SPOCK1: variants seen among roughly 807,000 people sequenced by gnomAD.
SPOCK1 encodes testican-1.
SPOCK1 carries 23 observed loss-of-function variants against 55.3 expected under a neutral mutation model. The observed-to-expected ratio is 0.42, with a 90% CI of 0.30 to 0.59. The LOEUF (loss-of-function observed/expected upper bound fraction) is 0.59, where lower values mean the gene tolerates loss of function less well. Ranked by LOEUF, SPOCK1 falls within the 20% of genes least tolerant of loss-of-function variation. The pLI is 0.22. For synonymous variants in SPOCK1, 226 were observed against 221.0 expected, an observed-to-expected ratio of 1.02 and a Z score of -0.20; for missense variants, 499 against 552.5, an observed-to-expected ratio of 0.90 and a Z score of 0.97.
chr5:137,131,555 C>A (rs1204802219), intron 4 of SPOCK1, among the ~76,000 whole-genome samples: 1 of 151,774 alleles, frequency 6.6e-6, no homozygotes, highest in East Asian at 2.0e-4. Context: ...TTGCAGTGAG[C>A]AGAGATCATG....
intron 3 of SPOCK1, among the ~76,000 whole-genome samples, chr5:137,237,669 T>C (rs1668076997): frequency 6.6e-6 from 1 of 152,214 alleles, no homozygotes; most frequent in Non-Finnish European, 1.5e-5. Context: ...AGTCAACGTG[T>C]TAATAACTCC....
intron 2 of SPOCK1, among the ~76,000 whole-genome samples, chr5:137,344,628 G>A (rs976345325): frequency 3.4e-4 from 51 of 152,168 alleles, no homozygotes; most frequent in African/African-American, 1.2e-3. Context: ...TACTGTGCAG[G>A]ACAACTGCCT....
At chr5:136,980,621 G>A (rs188991784) in intron 9 of SPOCK1, among the ~76,000 whole-genome samples, 37 of 152,228 alleles carry the variant, frequency 2.4e-4, no homozygotes, top group Admixed American at 1.3e-3. Flanking sequence ...CTTGCCTTCC[G>A]CCATGATTGT....
intron 3 of SPOCK1, among the ~76,000 whole-genome samples, chr5:137,261,219 T>A (rs1356525342): frequency 6.6e-6 from 1 of 152,208 alleles, no homozygotes; most frequent in East Asian, 1.9e-4. Context: ...GACTTAAGAT[T>A]TCTATTAAGC....
chr5:137,222,846 G>A (rs76623024), intron 3 of SPOCK1, among the ~76,000 whole-genome samples: 2,486 of 152,300 alleles, frequency 0.016, 33 homozygotes, highest in Admixed American at 0.025. Flanking sequence ...GTTTTTGAGG[G>A]ATGAAAACAA....
At chr5:137,166,606 TACA>T (rs1272585657) in intron 3 of SPOCK1, among the ~76,000 whole-genome samples, 1 of 152,032 alleles carries the variant, frequency 6.6e-6, no homozygotes. Context: ...AAATAATAAC[TACA>T]ACAACTTTTC....
At chr5:137,465,431 G>C (rs1366060051) in intron 2 of SPOCK1, among the ~76,000 whole-genome samples, 5 of 152,000 alleles carry the variant, frequency 3.3e-5, no homozygotes, top group African/African-American at 1.2e-4. Context: ...ACAACATTAA[G>C]ACTAATATAT....
chr5:137,248,819 T>C (rs1379857989), intron 3 of SPOCK1, among the ~76,000 whole-genome samples: 3 of 152,218 alleles, frequency 2.0e-5, no homozygotes, highest in African/African-American at 7.2e-5. Flanking sequence ...TATTAACAAT[T>C]CTCCCTTAGG....
At chr5:137,131,070 GC>G (rs1753867067) in intron 4 of SPOCK1, among the ~76,000 whole-genome samples, 1 of 152,122 alleles carries the variant, frequency 6.6e-6, no homozygotes. Flanking sequence ...CAAGGCCAGC[GC>G]CCCCGATGGG....
Position 136,977,424 on chromosome 5 carries a change from TA to T in SPOCK1, c.*1229del, listed in dbSNP as rs879842948. 942 of 160,714 alleles carry T rather than the reference TA, an allele frequency of 5.9e-3. No homozygotes were observed. Among genetic ancestry groups the T allele is most frequent in the Middle Eastern group, 0.018 (7 of 380 alleles). 10.0% of individuals were successfully genotyped at this position (160,714 alleles called of 1,614,324 possible). A position where few individuals can be genotyped will look rare whatever the true frequency, so the allele number is the denominator to read the frequency against. ...AGGCCTCCATTTGGGATTGAGTGGT[TA>T]AAAAAAAAAATCTGTACAGCTTTTG... is the stretch of plus-strand genomic sequence containing the variant. On this transcript the variant is annotated 3_prime_UTR_variant, in exon 11 of 11. Transcript: ENST00000394945.
intron 2 of SPOCK1, among the ~76,000 whole-genome samples, chr5:137,323,928 A>T (rs1257606715): frequency 6.7e-6 from 1 of 148,488 alleles, no homozygotes; most frequent in East Asian, 2.1e-4. Context: ...GTCCTCAAAA[A>T]ATTAAAAAGA....
intron 3 of SPOCK1, among the ~76,000 whole-genome samples, chr5:137,153,158 A>C (rs1241617556): frequency 6.6e-6 from 1 of 152,196 alleles, no homozygotes; most frequent in Non-Finnish European, 1.5e-5. Flanking sequence ...GCCAGGGGCC[A>C]AGTTTTGCTC....
At chr5:137,140,504 T>C in intron 4 of SPOCK1, 76 bp downstream of exon 4, 1 of 1,279,520 alleles carries the variant, frequency 7.8e-7, no homozygotes. Context: ...TATCCCCACG[T>C]CAAAGACTGG....
chr5:137,063,239 CAAAA>C (rs34720226), intron 6 of SPOCK1, among the ~76,000 whole-genome samples: 8 of 100,268 alleles, frequency 8.0e-5, no homozygotes, highest in Admixed American at 1.0e-4. Flanking sequence ...GACTCCATCT[CAAAA>C]AAAAAAAAAA....
chr5:137,060,977 T>C (rs1752385304), intron 6 of SPOCK1, among the ~76,000 whole-genome samples: 1 of 152,194 alleles, frequency 6.6e-6, no homozygotes, highest in Non-Finnish European at 1.5e-5. Flanking sequence ...TTCTCAAGCA[T>C]TTTTTTAAGG....
intron 2 of SPOCK1, among the ~76,000 whole-genome samples, chr5:137,319,721 G>A (rs1317768388): frequency 1.3e-5 from 2 of 151,974 alleles, no homozygotes; most frequent in East Asian, 3.9e-4. Context: ...CGAGGCGGGT[G>A]GATCATGAGG....
intron 5 of SPOCK1, among the ~76,000 whole-genome samples, chr5:137,077,432 C>A (rs929825127): frequency 1.3e-5 from 2 of 152,180 alleles, no homozygotes; most frequent in Admixed American, 6.5e-5. Context: ...TGGTGCTGAC[C>A]GGCAGGGAAG....
chr5:137,332,659 C>G (rs755360835), intron 2 of SPOCK1, among the ~76,000 whole-genome samples: 4 of 152,180 alleles, frequency 2.6e-5, no homozygotes, highest in Non-Finnish European at 4.4e-5. Context: ...GGAATACATA[C>G]AAAAGTGTTT....
intron 3 of SPOCK1, among the ~76,000 whole-genome samples, chr5:137,250,367 A>G (rs1756485484): frequency 6.6e-6 from 1 of 152,254 alleles, no homozygotes; most frequent in African/African-American, 2.4e-5. Context: ...GATAGGTACA[A>G]TAATAGATAG....
Sources: gnomAD v4.1 joint callset for allele counts (sites outside exome capture counted in the v4.1 genomes callset) on GRCh38, gnomAD v4.1.1 for gene constraint, MANE v1.5 for transcripts, NCBI Gene and HGNC (gene_info 2026-07-23, HGNC 2026-07-21) for gene names.